The following MITF variants were observed in gnomAD, a reference collection of about 807,000 sequenced individuals.
MITF encodes the protein melanocyte inducing transcription factor.
In MITF, 17 loss-of-function variants were observed where a neutral mutation model predicts 60.5. The observed-to-expected ratio is 0.28, with a 90% CI of 0.19 to 0.42. The LOEUF (loss-of-function observed/expected upper bound fraction) is 0.42. MITF is among the 10% of genes least tolerant of loss of function. MITF has a pLI of 1.00. For synonymous variants in MITF, 260 were observed against 248.5 expected (o/e 1.05, Z -0.43); for missense variants, 622 against 683.5 (o/e 0.91, Z 1.00).
At chr3:69,822,397 G>C (rs931185730) in intron 1 of MITF, among the ~76,000 whole-genome samples, 6 of 152,108 alleles carry the variant, frequency 3.9e-5, no homozygotes, top group African/African-American at 1.4e-4. Context: ...CAGATAAAAA[G>C]TTTCTTTCTT....
rs140522520 is a variant in MITF at position 69,964,264 on chromosome 3, G to A, written c.1180-583G>A. 4.5e-3 allele frequency among the ~76,000 whole-genome samples: 677 copies of A among 151,932 alleles called. 5 individuals are homozygous for A. The highest frequency in any genetic ancestry group is 0.014 in the African/African-American group (577 of 41,468). ...AATAATATTTTTCTTTTATCAGCTC[G>A]CATTTAAAACTTTATTTTTGTATTT... On this transcript the variant is annotated intron_variant, in intron 9 of 9. Transcript: ENST00000352241.
chr3:69,840,073 A>T (rs576172386), intron 1 of MITF, among the ~76,000 whole-genome samples: 1 of 152,304 alleles, frequency 6.6e-6, no homozygotes, highest in Non-Finnish European at 1.5e-5. Context: ...AAGCAAGGGT[A>T]TATTATGGAA....
chr3:69,787,264 C>A (rs1292538311), intron 1 of MITF, among the ~76,000 whole-genome samples: 1 of 152,184 alleles, frequency 6.6e-6, no homozygotes, highest in Non-Finnish European at 1.5e-5. Context: ...GGGGACTGAA[C>A]TTCACCAAAG....
chr3:69,935,459 C>T (rs2065811986), intron 2 of MITF, among the ~76,000 whole-genome samples: 1 of 152,082 alleles, frequency 6.6e-6, no homozygotes, highest in Non-Finnish European at 1.5e-5. Context: ...CTACTCATTG[C>T]CCTCATTTTA....
At chr3:69,897,029 G>A (rs1216432383) in intron 2 of MITF, among the ~76,000 whole-genome samples, 1 of 152,240 alleles carries the variant, frequency 6.6e-6, no homozygotes, top group Non-Finnish European at 1.5e-5. Flanking sequence ...GGATTTTGGT[G>A]TGAAGCAGTG....
At chr3:69,864,964 T>G (rs1477827305) in intron 1 of MITF, among the ~76,000 whole-genome samples, 1 of 152,226 alleles carries the variant, frequency 6.6e-6, no homozygotes, top group Admixed American at 6.5e-5. Flanking sequence ...GCAGCAGTTA[T>G]GACATTTTTC....
At chr3:69,862,464 G>T (rs1351085484) in intron 1 of MITF, among the ~76,000 whole-genome samples, 1 of 152,166 alleles carries the variant, frequency 6.6e-6, no homozygotes, top group African/African-American at 2.4e-5. Flanking sequence ...AAAGAAAAAT[G>T]ACTATCAAAA....
chr3:69,826,498 G>A (rs189364677), intron 1 of MITF, among the ~76,000 whole-genome samples: 25 of 152,140 alleles, frequency 1.6e-4, no homozygotes, highest in East Asian at 9.6e-4. Flanking sequence ...TCTAATTTGG[G>A]GCATTTACAG....
chr3:69,921,892 C>T (rs759694345), intron 2 of MITF, among the ~76,000 whole-genome samples: 9 of 152,282 alleles, frequency 5.9e-5, no homozygotes, highest in Non-Finnish European at 1.2e-4. Context: ...TCTTGTGCAT[C>T]GTAGGATGTT....
rs75555424 is a variant in MITF at position 69,775,556 on chromosome 3, C to T, written c.104+35855C>T. The stretch of plus-strand genomic sequence containing the variant: ...TTCTTTAATTGGTATAGGCTTGACA[C>T]GAGGGGCTGTGATTTGTCAATTTAT... On this transcript the variant is annotated intron_variant, in intron 1 of 9. Coordinates refer to ENST00000352241, the MANE Select transcript of MITF (RefSeq NM_001354604.2). 6.7e-3 allele frequency among the ~76,000 whole-genome samples: 1,016 copies of T among 152,258 alleles called. 8 individuals are homozygous for T. The highest frequency in any genetic ancestry group is 0.01 in the Non-Finnish European group (707 of 68,010).
At chr3:69,791,115 G>A (rs938028463) in intron 1 of MITF, among the ~76,000 whole-genome samples, 11 of 152,046 alleles carry the variant, frequency 7.2e-5, no homozygotes, top group South Asian at 2.1e-4. Context: ...GCCATTTTGC[G>A]TACAGCAAAT....
intron 1 of MITF, among the ~76,000 whole-genome samples, chr3:69,807,856 G>A (rs907796481): frequency 1.3e-5 from 2 of 152,108 alleles, no homozygotes; most frequent in Non-Finnish European, 2.9e-5. Flanking sequence ...GATTGCAAAT[G>A]CCAGAGACTG....
At chr3:69,936,492 A>G in intron 2 of MITF, 2 of 911,900 alleles carry the variant, frequency 2.2e-6, no homozygotes, top group South Asian at 5.8e-5. Flanking sequence ...CCAAACTCGT[A>G]GGGCTTCCAA....
At chr3:69,766,870 A>G (rs142088377) in intron 1 of MITF, among the ~76,000 whole-genome samples, 55 of 152,314 alleles carry the variant, frequency 3.6e-4, no homozygotes, top group African/African-American at 1.2e-3. Flanking sequence ...CCGTAGATAC[A>G]AGAGTTAAAA....
intron 2 of MITF, among the ~76,000 whole-genome samples, chr3:69,912,606 C>T (rs952726307): frequency 6.6e-6 from 1 of 152,164 alleles, no homozygotes; most frequent in Non-Finnish European, 1.5e-5. Flanking sequence ...AGCCAAGCCT[C>T]ATGCAATTTA....
At chr3:69,751,616 G>A (rs1201902546) in intron 1 of MITF, among the ~76,000 whole-genome samples, 3 of 130,152 alleles carry the variant, frequency 2.3e-5, no homozygotes, top group East Asian at 4.3e-4. Flanking sequence ...ATCTGTTCTT[G>A]TTGTAAACTG....
intron 2 of MITF, among the ~76,000 whole-genome samples, chr3:69,881,617 A>G (rs575378513): frequency 1.3e-3 from 200 of 151,922 alleles, no homozygotes; most frequent in Middle Eastern, 0.01. Flanking sequence ...ATGAAACATT[A>G]TAGAAAGATA....
chr3:69,863,549 A>G (rs1459886242), intron 1 of MITF, among the ~76,000 whole-genome samples: 1 of 152,146 alleles, frequency 6.6e-6, no homozygotes, highest in Admixed American at 6.5e-5. Context: ...AATTGATACC[A>G]TTGGTTTCGT....
intron 1 of MITF, among the ~76,000 whole-genome samples, chr3:69,745,924 A>T (rs1295878726): frequency 1.3e-5 from 2 of 152,268 alleles, no homozygotes; most frequent in Non-Finnish European, 2.9e-5. Flanking sequence ...CACTGTTAGT[A>T]AATGAAATTA....
Sources: allele counts gnomAD v4.1 joint callset (sites outside exome capture counted in the v4.1 genomes callset), GRCh38; gene constraint gnomAD v4.1.1; transcripts MANE v1.5; gene names NCBI Gene and HGNC (gene_info 2026-07-23, HGNC 2026-07-21).